KCNG3: variants seen among roughly 807,000 people sequenced by gnomAD.
KCNG3 encodes the protein voltage-gated potassium channel regulatory subunit KCNG3.
A neutral mutation model predicts 29.0 loss-of-function variants in KCNG3; 15 were observed. The observed-to-expected ratio is 0.52, with a 90% CI of 0.35 to 0.80. The LOEUF is 0.80. Among genes scored for constraint, KCNG3 ranks in the 30% least tolerant of loss-of-function variants. The pLI is 0.01. For missense variants in KCNG3, 512 were observed against 605.7 expected (o/e 0.85, Z 1.62); for synonymous variants, 322 against 248.9 (o/e 1.29, Z -2.76).
In KCNG3 at chr2:42,492,921, G is replaced by C; in HGVS notation, c.581C>G (p.Pro194Arg). 1 of 1,586,668 alleles carries C rather than the reference G, an allele frequency of 6.3e-7. No homozygotes were observed. Among genetic ancestry groups the C allele is most frequent in the Non-Finnish European group, 8.5e-7 (1 of 1,170,310 alleles). The change falls in exon 1 of 2, where the codon CCC becomes CGC. Residue 194 changes from proline (P) to arginine (R), a missense_variant. Transcript: ENST00000306078. ...SMVVLCASTLPDWRNAAADNR... is the reference protein window; with the variant it reads ...SMVVLCASTLRDWRNAAADNR... ...GTCGGCGGCTGCGTTGCGCCAGTCG[G>C]GCAACGTGCTGGCGCACAGCACCAC... is the stretch of plus-strand genomic sequence containing the variant.
chr2:42,420,198 T>C, the KCNG3 span, among the ~76,000 whole-genome samples: 1 of 151,926 alleles, frequency 6.6e-6, no homozygotes, highest in South Asian at 2.1e-4. Flanking sequence ...AACTCCAGTC[T>C]GGGTGACGAG....
the KCNG3 span, among the ~76,000 whole-genome samples, chr2:42,399,151 G>C: frequency 1.3e-5 from 2 of 149,554 alleles, no homozygotes; most frequent in South Asian, 4.3e-4. Context: ...TGACCTCCTG[G>C]GCTCAAGTGA....
downstream of KCNG3, among the ~76,000 whole-genome samples, chr2:42,438,875 T>G (rs553582800): frequency 6.6e-6 from 1 of 152,176 alleles, no homozygotes; most frequent in African/African-American, 2.4e-5. Flanking sequence ...GGTTTCTGAG[T>G]GCAGATGGGC....
the KCNG3 span, among the ~76,000 whole-genome samples, chr2:42,403,766 A>T: frequency 1.3e-4 from 19 of 150,964 alleles, no homozygotes; most frequent in African/African-American, 4.4e-4. Context: ...TGCCTGGCCT[A>T]ATTTTTTAGT....
intron 1 of KCNG3, among the ~76,000 whole-genome samples, chr2:42,458,856 G>A (rs561521695): frequency 6.6e-6 from 1 of 152,156 alleles, no homozygotes; most frequent in East Asian, 1.9e-4. Context: ...TCAGTGTGGG[G>A]TAGGCTTTTG....
chr2:42,491,141 C>G (rs569212225), intron 1 of KCNG3, among the ~76,000 whole-genome samples: 30 of 152,072 alleles, frequency 2.0e-4, no homozygotes, highest in African/African-American at 5.3e-4. Context: ...TTACTTTTCT[C>G]CCTTCACTTC....
intron 1 of KCNG3, among the ~76,000 whole-genome samples, chr2:42,450,961 T>G (rs374386098): frequency 1.8e-4 from 28 of 152,152 alleles, no homozygotes; most frequent in African/African-American, 5.6e-4. Flanking sequence ...TCCTAGCACT[T>G]TGGGAGGCCA....
the KCNG3 span, among the ~76,000 whole-genome samples, chr2:42,394,264 G>T: frequency 6.6e-6 from 1 of 152,168 alleles, no homozygotes. Context: ...AACAAAAACT[G>T]CTAAAAAGGC....
chr2:42,480,399 A>G (rs1673552161), intron 1 of KCNG3, among the ~76,000 whole-genome samples: 1 of 152,208 alleles, frequency 6.6e-6, no homozygotes, highest in African/African-American at 2.4e-5. Context: ...CCTGGGTGGC[A>G]CCACCATTCT....
chr2:42,426,599 G>A, the KCNG3 span, among the ~76,000 whole-genome samples: 2 of 152,194 alleles, frequency 1.3e-5, no homozygotes, highest in Non-Finnish European at 2.9e-5. Context: ...AATTTTATCT[G>A]TTCAATCACT....
chr2:42,435,893 T>A, the KCNG3 span, among the ~76,000 whole-genome samples: 1 of 152,202 alleles, frequency 6.6e-6, no homozygotes, highest in African/African-American at 2.4e-5. Flanking sequence ...TAGGTTTATA[T>A]CCAACAGAAA....
intron 1 of KCNG3, chr2:42,463,937 C>T: frequency 3.0e-6 from 1 of 336,726 alleles, no homozygotes. Context: ...AATCCACAGC[C>T]CTTGGTGAAC....
the KCNG3 span, among the ~76,000 whole-genome samples, chr2:42,419,219 C>CATTTTT: frequency 3.6e-5 from 1 of 27,712 alleles, no homozygotes; most frequent in Non-Finnish European, 6.7e-5. Flanking sequence ...GATGGTATCT[C>CATTTTT]TTTTTTTTTT....
In KCNG3 at chr2:42,443,009, T is replaced by C. The variant is rs1388584730; in HGVS notation, c.*925A>G. On this transcript the variant is annotated 3_prime_UTR_variant, in exon 2 of 2. Coordinates refer to ENST00000306078, the MANE Select transcript of KCNG3 (RefSeq NM_133329.6). ...CTTTGCTACTAAAAGGCTATATAAATATCCTTTCATCTGATAAGTCTTATT... is the reference window on the plus strand; with the variant it reads ...CTTTGCTACTAAAAGGCTATATAAACATCCTTTCATCTGATAAGTCTTATT... 2 of 152,202 alleles carry C rather than the reference T, an allele frequency of 1.3e-5. No individual in the cohort carries two copies. The highest frequency in any genetic ancestry group is 4.8e-5 in the African/African-American group (2 of 41,466). 9.4% of individuals were successfully genotyped at this position (152,202 alleles called of 1,614,324 possible). A position where few individuals can be genotyped will look rare whatever the true frequency, so the allele number is the denominator to read the frequency against.
At chr2:42,463,685 G>C (rs1181394119) in intron 1 of KCNG3, 1 of 181,390 alleles carries the variant, frequency 5.5e-6, no homozygotes, top group African/African-American at 2.4e-5. Context: ...CCCAGCATTA[G>C]GTGACAAGCG....
intron 1 of KCNG3, among the ~76,000 whole-genome samples, chr2:42,445,215 G>C (rs1030696527): frequency 1.3e-5 from 2 of 151,496 alleles, no homozygotes; most frequent in South Asian, 2.1e-4. Flanking sequence ...CTTATCTTCA[G>C]TTGGCCACAA....
At chr2:42,416,462 A>G in the KCNG3 span, among the ~76,000 whole-genome samples, 1 of 152,116 alleles carries the variant, frequency 6.6e-6, no homozygotes, top group Non-Finnish European at 1.5e-5. Context: ...ACAAAACACA[A>G]CCTAAAGATC....
intron 1 of KCNG3, among the ~76,000 whole-genome samples, chr2:42,471,467 G>A (rs114209878): frequency 6.6e-6 from 1 of 152,084 alleles, no homozygotes; most frequent in Non-Finnish European, 1.5e-5. Context: ...GAGATAGATA[G>A]CAGATGGTTG....
At chr2:42,402,428 G>A in the KCNG3 span, among the ~76,000 whole-genome samples, 2 of 152,220 alleles carry the variant, frequency 1.3e-5, no homozygotes, top group Non-Finnish European at 2.9e-5. Flanking sequence ...GCTCATGCCA[G>A]TAATCCCAGC....
Sources: gnomAD v4.1 joint callset for allele counts (sites outside exome capture counted in the v4.1 genomes callset) on GRCh38, gnomAD v4.1.1 for gene constraint, MANE v1.5 for transcripts, NCBI Gene and HGNC (gene_info 2026-07-23, HGNC 2026-07-21) for gene names.